The following WNT3 variants were observed in gnomAD, a reference collection of about 807,000 sequenced individuals.
The protein encoded by WNT3 is proto-oncogene Wnt-3.
WNT3 carries 7 observed loss-of-function variants against 34.2 expected under a neutral mutation model. That is an observed-to-expected ratio of 0.20 (90% confidence interval 0.12 to 0.38). The LOEUF is 0.38. WNT3 is among the 10% of genes least tolerant of loss of function. The probability of loss-of-function intolerance (pLI) is 1.00; values close to 1 mark genes in which losing one functional copy is unlikely to be tolerated. For synonymous variants in WNT3, 212 were observed against 211.5 expected (o/e 1.00, Z -0.02); for missense variants, 267 against 499.8 (o/e 0.53, Z 4.44).
chr17:46,811,470 T>C (rs979055288), intron 1 of WNT3, among the ~76,000 whole-genome samples: 1 of 152,196 alleles, frequency 6.6e-6, no homozygotes, highest in South Asian at 2.1e-4. Flanking sequence ...GTAGCCACTG[T>C]GCTCACGAGG....
At position 46,768,824 on chromosome 17, in the gene WNT3, C is replaced by A; in HGVS notation, c.589-25G>T. The A allele has an allele frequency of 1.9e-6, 3 of 1,608,968 alleles. No individual in the cohort carries two copies. The highest frequency in any genetic ancestry group is 2.5e-6 in the Non-Finnish European group (3 of 1,178,442). On this transcript the variant is annotated intron_variant, in intron 3 of 4. Coordinates refer to ENST00000225512, the MANE Select transcript of WNT3 (RefSeq NM_030753.5). This position sits in a 1 kb window ranked among gnomAD's most constrained non-coding sequence, Gnocchi z 5.0. Reference sequence around the variant, plus strand: ...TCTGGGGGAGAGAAGTGGCAGCTGGCCAACAGACCGACCCCACGAGGGGGC... The same window carrying A: ...TCTGGGGGAGAGAAGTGGCAGCTGGACAACAGACCGACCCCACGAGGGGGC...
chr17:46,786,273 A>G (rs2059505854), intron 1 of WNT3, among the ~76,000 whole-genome samples: 1 of 152,274 alleles, frequency 6.6e-6, no homozygotes, highest in South Asian at 2.1e-4. Flanking sequence ...GGAGGAGGAC[A>G]GGAGAAGCGG....
chr17:46,807,609 C>A (rs539201474), intron 1 of WNT3, among the ~76,000 whole-genome samples: 2 of 152,328 alleles, frequency 1.3e-5, no homozygotes, highest in East Asian at 3.9e-4. Context: ...TTCGCATGTG[C>A]CTTGCTTCTT....
intron 1 of WNT3, among the ~76,000 whole-genome samples, chr17:46,799,693 C>A (rs2084099951): frequency 6.6e-6 from 1 of 152,286 alleles, no homozygotes; most frequent in Admixed American, 6.5e-5. Flanking sequence ...AATGATCTGT[C>A]CGCCTTGGCC....
intron 2 of WNT3, among the ~76,000 whole-genome samples, 170 bp from the exon 3 acceptor site, chr17:46,770,218 G>GA (rs1231083421): frequency 6.6e-6 from 1 of 152,228 alleles, no homozygotes; most frequent in Non-Finnish European, 1.5e-5. Flanking sequence ...GGCTGGTTTA[G>GA]ACCCAGTTGG....
At chr17:46,776,176 C>T (rs2059410604) in intron 1 of WNT3, among the ~76,000 whole-genome samples, 1 of 152,168 alleles carries the variant, frequency 6.6e-6, no homozygotes, top group Non-Finnish European at 1.5e-5. Context: ...ACTATGTGAC[C>T]CTGCCTGCTG....
chr17:46,766,510 G>A (rs895055980), intron 4 of WNT3, among the ~76,000 whole-genome samples: 3 of 152,040 alleles, frequency 2.0e-5, no homozygotes, highest in African/African-American at 7.2e-5. Context: ...GAGTGGAGGC[G>A]CTGGATTCAC....
intron 1 of WNT3, among the ~76,000 whole-genome samples, chr17:46,788,406 C>G (rs1018619315): frequency 1.3e-5 from 2 of 152,150 alleles, no homozygotes; most frequent in African/African-American, 4.8e-5. Flanking sequence ...GTTCCCACAC[C>G]AGGACTTTGC....
chr17:46,809,880 C>G (rs1249982135), intron 1 of WNT3, among the ~76,000 whole-genome samples: 1 of 152,168 alleles, frequency 6.6e-6, no homozygotes, highest in Non-Finnish European at 1.5e-5. Context: ...CTGTCCAGCC[C>G]CACTTCTTCC....
chr17:46,810,816 C>T (rs889529789), intron 1 of WNT3, among the ~76,000 whole-genome samples: 14 of 152,186 alleles, frequency 9.2e-5, no homozygotes, highest in African/African-American at 3.4e-4. Context: ...CTCCTAGTTA[C>T]TGAGACTCAG....
At chr17:46,770,762 C>T (rs373994704) in intron 2 of WNT3, among the ~76,000 whole-genome samples, 11 of 152,186 alleles carry the variant, frequency 7.2e-5, no homozygotes, top group African/African-American at 2.7e-4. Context: ...CAGGGTCCAG[C>T]GCAGGGAAAG....
At chr17:46,817,529 G>A (rs1418895667) in intron 1 of WNT3, among the ~76,000 whole-genome samples, 1 of 152,132 alleles carries the variant, frequency 6.6e-6, no homozygotes, top group African/African-American at 2.4e-5. Context: ...ACCTGCGGAG[G>A]GTGGGAGAGC....
At chr17:46,791,109 G>T (rs1253224055) in intron 1 of WNT3, among the ~76,000 whole-genome samples, 1 of 152,144 alleles carries the variant, frequency 6.6e-6, no homozygotes, top group Admixed American at 6.5e-5. Flanking sequence ...ACACTCTTTG[G>T]CTTCAAGGCA....
chr17:46,814,226 G>A (rs1257629582), intron 1 of WNT3, among the ~76,000 whole-genome samples: 1 of 152,212 alleles, frequency 6.6e-6, no homozygotes, highest in African/African-American at 2.4e-5. Flanking sequence ...TGAGAGTCTA[G>A]AACTTTCCCT....
chr17:46,787,309 G>A (rs952637561), intron 1 of WNT3, among the ~76,000 whole-genome samples: 2 of 151,876 alleles, frequency 1.3e-5, no homozygotes, highest in African/African-American at 2.4e-5. Context: ...GGGCGGGGGC[G>A]GGGGAACAAT....
Position 46,811,261 on chromosome 17 carries a change from C to T in WNT3, c.80+7257G>A, listed in dbSNP as rs959891419. 4.0e-5 allele frequency among the ~76,000 whole-genome samples: 6 copies of T among 151,460 alleles called. 2 individuals carry two copies. The highest frequency in any genetic ancestry group is 2.1e-4 in the South Asian group (1 of 4,788). On this transcript the variant is annotated intron_variant, in intron 1 of 4. Transcript: ENST00000225512. The stretch of plus-strand genomic sequence containing the variant: ...CTAAGCGGCCTTAGGTGTCATCGGG[C>T]GGGTTGTTGCATGGGTCAGTGTTAA...
intron 1 of WNT3, among the ~76,000 whole-genome samples, chr17:46,807,579 A>G (rs2084214155): frequency 6.6e-6 from 1 of 152,234 alleles, no homozygotes; most frequent in African/African-American, 2.4e-5. Context: ...TCCCAGAGCA[A>G]TGTTTATTTT....
intron 1 of WNT3, among the ~76,000 whole-genome samples, chr17:46,785,906 T>C (rs2059501100): frequency 6.6e-6 from 1 of 152,200 alleles, no homozygotes; most frequent in Admixed American, 6.5e-5. Context: ...GCAGCTTCTG[T>C]TCTCCAAAGC....
chr17:46,767,496 T>C (rs2059324063), intron 4 of WNT3, among the ~76,000 whole-genome samples: 1 of 152,124 alleles, frequency 6.6e-6, no homozygotes. Context: ...AGAGGAGACA[T>C]TTTGGCTCGC....
Sources: gnomAD v4.1 joint callset for allele counts (sites outside exome capture counted in the v4.1 genomes callset) on GRCh38, gnomAD v4.1.1 for gene constraint, Gnocchi (gnomAD v3.1) non-coding constraint, MANE v1.5 for transcripts, NCBI Gene and HGNC (gene_info 2026-07-23, HGNC 2026-07-21) for gene names.